IL31RA: variants seen among roughly 807,000 people sequenced by gnomAD.
The protein encoded by IL31RA is interleukin-31 receptor subunit alpha.
Under a neutral mutation model 83.7 loss-of-function variants are expected in IL31RA, and 66 were observed. The ratio of observed to expected loss-of-function variants is 0.79; its 90% CI spans 0.65 to 0.97. The LOEUF (loss-of-function observed/expected upper bound fraction) is 0.97. Ranked by LOEUF, IL31RA falls within the 50% of genes least tolerant of loss-of-function variation. The pLI is 0.00. For synonymous variants in IL31RA, 325 were observed against 329.0 expected (o/e 0.99, Z 0.13); for missense variants, 798 against 919.4 (o/e 0.87, Z 1.71).
At chr5:55,863,062 G>A (rs968556108) in intron 2 of IL31RA, among the ~76,000 whole-genome samples, 45 of 152,192 alleles carry the variant, frequency 3.0e-4, no homozygotes, top group Non-Finnish European at 8.8e-5. Flanking sequence ...AGCCAAGGTC[G>A]TTCAGCTATG....
chr5:55,853,496 A>C, intron 1 of IL31RA: 1 of 1,550,514 alleles, frequency 6.4e-7, no homozygotes. Context: ...GTGCTGTGGG[A>C]GGTGGAGTTG....
intron 14 of IL31RA, 67 bp from the exon 15 acceptor site, chr5:55,916,577 C>G: frequency 7.4e-7 from 1 of 1,355,930 alleles, no homozygotes; most frequent in Non-Finnish European, 1.1e-6. Context: ...CCAAGCCTAA[C>G]GAGTTTTTGG....
rs1749922097 is a variant in IL31RA, at chr5:55,918,520, C to CAGAGTTCCAGAAGGCCTTT, written c.*1400_*1401insAGAGTTCCAGAAGGCCTTT. On this transcript the variant is annotated 3_prime_UTR_variant, in exon 15 of 15. Coordinates refer to ENST00000652347, the MANE Select transcript of IL31RA (RefSeq NM_139017.7). The stretch of plus-strand genomic sequence containing the variant: ...TCAGTCACATTTGGGGTTTTGCCCT[C>CAGAGTTCCAGAAGGCCTTT]CCCTGTCCTGCCTGGGACTGGCTCT... Among the ~76,000 whole-genome samples the CAGAGTTCCAGAAGGCCTTT allele has an allele frequency of 6.6e-6, 1 of 152,164 alleles. No individual in the cohort carries two copies.
intron 1 of IL31RA, chr5:55,853,448 ATAAAT>A: frequency 6.5e-7 from 1 of 1,539,434 alleles, no homozygotes; most frequent in Non-Finnish European, 8.8e-7. Flanking sequence ...CTTAGTGTGG[ATAAAT>A]TAAAGTCCAG....
At chr5:55,907,608 T>C in intron 10 of IL31RA, 148 bp downstream of exon 10, 2 of 689,204 alleles carry the variant, frequency 2.9e-6, no homozygotes, top group Non-Finnish European at 5.4e-6. Flanking sequence ...TGTTATGAAT[T>C]TGCTGAATTC....
chr5:55,880,172 A>C (rs1747112842), intron 4 of IL31RA, among the ~76,000 whole-genome samples: 1 of 152,236 alleles, frequency 6.6e-6, no homozygotes, highest in South Asian at 2.1e-4. Context: ...TTTTATGGAA[A>C]TACTTAATAT....
Position 55,883,054 on chromosome 5 carries a change from A to G in IL31RA, c.465A>G (p.Glu155=), listed in dbSNP as rs1340325174. The G allele has an allele frequency of 6.2e-7, 1 of 1,613,988 alleles. No individual in the cohort carries two copies. The highest frequency in any genetic ancestry group is 1.7e-5 in the Admixed American group (1 of 60,010). Residue 155 remains glutamate, a synonymous_variant, in exon 5 of 15, where the codon GAA becomes GAG. Transcript: ENST00000652347. ...GATTTTTATTTTCAGCGAAAACTGA[A>G]CCACCTAAGATTTTCCGTGTGAAAC... is the stretch of plus-strand genomic sequence containing the variant. ...YWRLENIAKT[E]PPKIFRVKPV...
chr5:55,903,459 G>A lies in IL31RA; in HGVS notation c.1070-2647G>A, dbSNP rs555629254. On this transcript the variant is annotated intron_variant, in intron 8 of 14. Transcript: ENST00000652347. This position sits in a 1 kb window ranked among gnomAD's most constrained non-coding sequence, Gnocchi z 4.7. Reference sequence around the variant, plus strand: ...CTCTTGTTGAATGATGGAAGGACCCGGCGATTCGTTTATATTGAGTAGAGT... The same window carrying A: ...CTCTTGTTGAATGATGGAAGGACCCAGCGATTCGTTTATATTGAGTAGAGT... 2.0e-5 allele frequency among the ~76,000 whole-genome samples: 3 copies of A among 152,302 alleles called. No homozygotes were observed. The highest frequency in any genetic ancestry group is 4.1e-4 in the South Asian group (2 of 4,826).
intron 7 of IL31RA, among the ~76,000 whole-genome samples, chr5:55,898,192 C>G (rs1021760128): frequency 6.6e-6 from 1 of 152,148 alleles, no homozygotes; most frequent in Admixed American, 6.5e-5. Context: ...CTCACACGCC[C>G]ACATGTGGTC....
At chr5:55,856,354 T>C (rs985266044) in intron 1 of IL31RA, among the ~76,000 whole-genome samples, 3 of 152,204 alleles carry the variant, frequency 2.0e-5, no homozygotes, top group Non-Finnish European at 4.4e-5. Flanking sequence ...CAATGTGAGA[T>C]TGTTTCTAGG....
At chr5:55,877,328 T>C (rs1746919273) in intron 4 of IL31RA, among the ~76,000 whole-genome samples, 1 of 152,212 alleles carries the variant, frequency 6.6e-6, no homozygotes, top group Non-Finnish European at 1.5e-5. Flanking sequence ...CTATAATTGT[T>C]TTTCATACAT....
At chr5:55,914,223 T>TCA (rs1749659681) in intron 13 of IL31RA, among the ~76,000 whole-genome samples, 1 of 152,194 alleles carries the variant, frequency 6.6e-6, no homozygotes, top group Non-Finnish European at 1.5e-5. Flanking sequence ...CAGCTGCACT[T>TCA]AGTTAATGGT....
intron 13 of IL31RA, 99 bp from the exon 14 acceptor site, chr5:55,914,748 T>TA: frequency 1.1e-6 from 1 of 917,828 alleles, no homozygotes; most frequent in East Asian, 2.5e-5. Flanking sequence ...GAGGGAAACT[T>TA]ACAATTCCCT....
chr5:55,852,868 A>G (rs1477189736), intron 1 of IL31RA, among the ~76,000 whole-genome samples: 2 of 152,218 alleles, frequency 1.3e-5, no homozygotes, highest in South Asian at 2.1e-4. Context: ...CTTGCCTATA[A>G]AGTGGGAATA....
chr5:55,907,641 G>T (rs1007266499), intron 10 of IL31RA, among the ~76,000 whole-genome samples, 181 bp downstream of exon 10: 3 of 152,160 alleles, frequency 2.0e-5, no homozygotes, highest in African/African-American at 7.2e-5. Context: ...AGACATTAGA[G>T]ATCATTGAGT....
chr5:55,905,960 GAA>G (rs1433721814), intron 8 of IL31RA, 144 bp from the exon 9 acceptor site: 2 of 799,590 alleles, frequency 2.5e-6, no homozygotes, highest in Non-Finnish European at 4.4e-6. Context: ...TAAGGGGAGT[GAA>G]AAGAGCCCCA....
chr5:55,870,301 T>C (rs1746434961), intron 3 of IL31RA, among the ~76,000 whole-genome samples: 1 of 152,228 alleles, frequency 6.6e-6, no homozygotes, highest in Non-Finnish European at 1.5e-5. Context: ...TAACAGCATG[T>C]AAATAGTCTT....
At chr5:55,911,534 C>T (rs1046884765) in intron 12 of IL31RA, among the ~76,000 whole-genome samples, 3 of 151,902 alleles carry the variant, frequency 2.0e-5, no homozygotes, top group African/African-American at 7.3e-5. Context: ...TTTAACTTAC[C>T]CACTTTTACA....
At chr5:55,860,965 C>A (rs541409466) in intron 2 of IL31RA, among the ~76,000 whole-genome samples, 1 of 152,114 alleles carries the variant, frequency 6.6e-6, no homozygotes, top group Non-Finnish European at 1.5e-5. Flanking sequence ...CCCTCTGTGC[C>A]CACACAACCC....
Sources: gnomAD v4.1 joint callset for allele counts (sites outside exome capture counted in the v4.1 genomes callset) on GRCh38, gnomAD v4.1.1 for gene constraint, Gnocchi (gnomAD v3.1) non-coding constraint, MANE v1.5 for transcripts, NCBI Gene and HGNC (gene_info 2026-07-23, HGNC 2026-07-21) for gene names.